Variants in CBX3 observed in about 807,000 individuals in gnomAD.
CBX3 encodes chromobox protein homolog 3.
CBX3 carries 5 observed loss-of-function variants against 22.6 expected under a neutral mutation model. That is an observed-to-expected ratio of 0.22 (90% CI 0.12 to 0.47). The LOEUF (loss-of-function observed/expected upper bound fraction) is 0.47, where lower values mean the gene tolerates loss of function less well. CBX3 is among the 20% of genes least tolerant of loss of function. The pLI is 0.99. For missense variants in CBX3, 83 were observed against 208.1 expected (o/e 0.40, Z 3.70); for synonymous variants, 50 against 66.6 (o/e 0.75, Z 1.21).
chr7:26,206,840 G>A (rs1784687269), intron 3 of CBX3, among the ~76,000 whole-genome samples: 1 of 152,108 alleles, frequency 6.6e-6, no homozygotes, highest in Non-Finnish European at 1.5e-5. Context: ...CACACAGAGG[G>A]TGCTAAAAAC....
intron 3 of CBX3, 75 bp downstream of exon 3, chr7:26,206,585 C>A: frequency 1.5e-6 from 2 of 1,330,318 alleles, no homozygotes; most frequent in Non-Finnish European, 2.1e-6. Context: ...TTTAACCTGG[C>A]TCTTTTACCT....
At chr7:26,205,189 C>T (rs994380228) in intron 2 of CBX3, among the ~76,000 whole-genome samples, 5 of 152,018 alleles carry the variant, frequency 3.3e-5, no homozygotes, top group Non-Finnish European at 5.9e-5. Flanking sequence ...CATTTTTAAT[C>T]CTCTCATAAA....
Position 26,213,358 on chromosome 7 carries a change from T to C in CBX3, c.*1150T>C, listed in dbSNP as rs1784857369. On this transcript the variant is annotated 3_prime_UTR_variant, in exon 6 of 6. Transcript: ENST00000396386. Reference sequence around the variant, plus strand: ...ATAGTTTTATATTCCTTTATGCAATTATTAGACTTTTTTCTTTATTTGATA... The same window carrying C: ...ATAGTTTTATATTCCTTTATGCAATCATTAGACTTTTTTCTTTATTTGATA... 1 of 74,384 alleles carries C rather than the reference T, an allele frequency of 1.3e-5. No homozygotes were observed. The highest frequency in any genetic ancestry group is 3.2e-5 in the Non-Finnish European group (1 of 31,000). The allele number at this position is 74,384 out of a possible 1,614,324, so 4.6% of individuals were successfully genotyped here.
intron 1 of CBX3, chr7:26,202,119 G>T (rs1348564923): frequency 1.3e-5 from 2 of 151,910 alleles, no homozygotes; most frequent in Non-Finnish European, 2.9e-5. Flanking sequence ...CCCCACCCGC[G>T]TTCCGGCGGA....
At position 26,211,943 on chromosome 7, in the gene CBX3, A is replaced by G. The variant is rs1784809430; in HGVS notation, c.426-139A>G. 4.5e-6 allele frequency: 4 copies of G among 887,140 alleles called. 1 individual carries two copies. In the Admixed American group the frequency reaches 1.4e-4, roughly 31 times the overall value. The allele number at this position is 887,140 out of a possible 1,614,324, so 55.0% of individuals were successfully genotyped here. A position where few individuals can be genotyped will look rare whatever the true frequency, so the allele number is the denominator to read the frequency against. On this transcript the variant is annotated intron_variant, in intron 5 of 5. Transcript: ENST00000396386. ...GCCTGTTTTGAAAATGAAGTTTATT[A>G]GAACATAGCAACAAGTAACATAACT...
intron 3 of CBX3, 108 bp from the exon 4 acceptor site, chr7:26,208,285 A>G: frequency 2.4e-6 from 2 of 841,466 alleles, no homozygotes; most frequent in South Asian, 4.1e-5. Flanking sequence ...TATCTGCAGT[A>G]CAGAGGACTT....
intron 4 of CBX3, chr7:26,210,551 ACT>A (rs1187501536): frequency 2.0e-5 from 3 of 152,010 alleles, no homozygotes; most frequent in South Asian, 2.1e-4. Context: ...TTGATGTAAA[ACT>A]CTGACAGGAA....
At chr7:26,211,357 C>T (rs11972060) in intron 4 of CBX3, among the ~76,000 whole-genome samples, 26 of 152,206 alleles carry the variant, frequency 1.7e-4, no homozygotes, top group African/African-American at 6.0e-4. Context: ...TTTATTATTA[C>T]CAGAAATAAA....
chr7:26,211,766 C>T lies in CBX3; in HGVS notation c.425+10C>T. The stretch of plus-strand genomic sequence containing the variant: ...TGTTTCTCATGAAATGGTGAGTATG[C>T]AGAGATTGTTACATTTGAAAGTAAG... On this transcript the variant is annotated intron_variant, in intron 5 of 5. Transcript: ENST00000396386. The T allele has an allele frequency of 6.5e-7, 1 of 1,541,570 alleles. No homozygotes were observed. Among genetic ancestry groups the T allele is most frequent in the Non-Finnish European group, 8.8e-7 (1 of 1,132,216 alleles).
At chr7:26,209,931 A>G (rs375443358) in intron 4 of CBX3, 2 of 152,278 alleles carry the variant, frequency 1.3e-5, no homozygotes, top group African/African-American at 2.4e-5. Context: ...TATAATCACT[A>G]TTTTACAGAT....
chr7:26,208,773 C>A (rs550917113), intron 4 of CBX3, among the ~76,000 whole-genome samples: 1 of 152,022 alleles, frequency 6.6e-6, no homozygotes, highest in Non-Finnish European at 1.5e-5. Flanking sequence ...GTGCCCACCA[C>A]CACGCCCAGC....
At chr7:26,207,613 A>G (rs916598501) in intron 3 of CBX3, among the ~76,000 whole-genome samples, 3 of 151,820 alleles carry the variant, frequency 2.0e-5, no homozygotes, top group Non-Finnish European at 4.4e-5. Flanking sequence ...CTGCCTTCCG[A>G]GTTGAGGCGA....
chr7:26,208,597 AG>A (rs780891120), intron 4 of CBX3, 42 bp downstream of exon 4: 3 of 1,528,500 alleles, frequency 2.0e-6, no homozygotes, highest in Non-Finnish European at 2.7e-6. Context: ...CTTTTGTAAA[AG>A]GTTGATGGCT....
intron 2 of CBX3, among the ~76,000 whole-genome samples, chr7:26,203,716 A>G (rs530735681): frequency 1.5e-4 from 23 of 152,326 alleles, no homozygotes; most frequent in Non-Finnish European, 2.8e-4. Flanking sequence ...AATATTTAAC[A>G]TTGCATTAAT....
intron 5 of CBX3, 36 bp from the exon 6 acceptor site, chr7:26,212,046 C>T (rs780811182): frequency 8.8e-6 from 13 of 1,469,196 alleles, no homozygotes; most frequent in Middle Eastern, 1.8e-4. Flanking sequence ...TGAACAACTT[C>T]GACTTGTAAC....
intron 2 of CBX3, 130 bp from the exon 3 acceptor site, chr7:26,206,238 A>G: frequency 1.6e-6 from 1 of 606,360 alleles, no homozygotes; most frequent in East Asian, 2.8e-5. Context: ...TCTTTCCAGA[A>G]GGTGTCTGCC....
At chr7:26,207,565 C>A (rs1784708134) in intron 3 of CBX3, among the ~76,000 whole-genome samples, 1 of 152,140 alleles carries the variant, frequency 6.6e-6, no homozygotes, top group Non-Finnish European at 1.5e-5. Flanking sequence ...GTTGCCCAGG[C>A]TGGAGTGCAG....
At position 26,207,835 on chromosome 7, in the gene CBX3, AAAT is replaced by A. The variant is rs568043681; in HGVS notation, c.168-553_168-551del. Among the ~76,000 whole-genome samples, 422 of 151,980 alleles carry A rather than the reference AAAT, an allele frequency of 2.8e-3. 1 individual carries two copies. Among genetic ancestry groups the A allele is most frequent in the African/African-American group, 9.5e-3 (395 of 41,480 alleles). The stretch of plus-strand genomic sequence containing the variant: ...GCCAGGCCAAAGAAGACTTTAATGA[AAAT>A]AATACTACAGAGCAGAGACTTTTAT... On this transcript the variant is annotated intron_variant, in intron 3 of 5. Transcript: ENST00000396386.
At chr7:26,208,902 G>C (rs1784741343) in intron 4 of CBX3, among the ~76,000 whole-genome samples, 1 of 121,566 alleles carries the variant, frequency 8.2e-6, no homozygotes, top group Admixed American at 9.7e-5. Context: ...GTAGGCATGA[G>C]CCACCACGCC....
Sources: allele counts gnomAD v4.1 joint callset (sites outside exome capture counted in the v4.1 genomes callset), GRCh38; gene constraint gnomAD v4.1.1; transcripts MANE v1.5; gene names NCBI Gene and HGNC (gene_info 2026-07-23, HGNC 2026-07-21).